The following NRG1 variants were observed in gnomAD, a reference collection of about 807,000 sequenced individuals.
The protein encoded by NRG1 is pro-neuregulin-1, membrane-bound isoform.
In NRG1, 18 loss-of-function variants were observed where a neutral mutation model predicts 63.8. That is an observed-to-expected ratio of 0.28 (90% CI 0.19 to 0.42). The LOEUF (loss-of-function observed/expected upper bound fraction) is 0.42, where lower values mean the gene tolerates loss of function less well. NRG1 is among the 10% of genes least tolerant of loss of function. The pLI is 1.00. For missense variants in NRG1, 762 were observed against 814.7 expected, an observed-to-expected ratio of 0.94 and a Z score of 0.79; for synonymous variants, 302 against 301.3, an observed-to-expected ratio of 1.00 and a Z score of -0.02.
chr8:31,926,661 A>G (rs2129619540), intron 1 of NRG1, among the ~76,000 whole-genome samples: 1 of 152,290 alleles, frequency 6.6e-6, no homozygotes, highest in South Asian at 2.1e-4. Context: ...TTTCAGCTCC[A>G]ATATTCTGCA....
intron 1 of NRG1, among the ~76,000 whole-genome samples, chr8:32,263,290 G>A (rs769820425): frequency 5.3e-5 from 8 of 152,128 alleles, no homozygotes; most frequent in Non-Finnish European, 8.8e-5. Context: ...AAGGTTACAC[G>A]GACAGTACCT....
At chr8:32,379,558 G>A (rs537106058) in intron 1 of NRG1, among the ~76,000 whole-genome samples, 1 of 152,336 alleles carries the variant, frequency 6.6e-6, no homozygotes, top group South Asian at 2.1e-4. Context: ...GCATATGATT[G>A]ATATAACAAA....
At chr8:31,749,943 C>T (rs896680392) in intron 1 of NRG1, among the ~76,000 whole-genome samples, 1 of 151,758 alleles carries the variant, frequency 6.6e-6, no homozygotes, top group African/African-American at 2.4e-5. Flanking sequence ...ATGAAGACTA[C>T]ATAGATGAGT....
At chr8:32,022,092 T>C (rs1816543497) in intron 1 of NRG1, among the ~76,000 whole-genome samples, 1 of 152,180 alleles carries the variant, frequency 6.6e-6, no homozygotes, top group African/African-American at 2.4e-5. Context: ...TCTTAAACTA[T>C]ACCTTTATAA....
intron 1 of NRG1, among the ~76,000 whole-genome samples, chr8:31,973,990 C>G (rs1255240331): frequency 1.3e-5 from 2 of 152,144 alleles, no homozygotes; most frequent in Admixed American, 6.5e-5. Context: ...TATTCCCTGG[C>G]CATCTAAGCA....
intron 1 of NRG1, among the ~76,000 whole-genome samples, chr8:31,828,661 A>C (rs1049361477): frequency 6.6e-6 from 1 of 152,132 alleles, no homozygotes; most frequent in African/African-American, 2.4e-5. Flanking sequence ...CCTGTTGCCA[A>C]ATTTTGACCT....
chr8:32,721,988 A>C, intron 5 of NRG1: 1 of 1,546,476 alleles, frequency 6.5e-7, no homozygotes, highest in Non-Finnish European at 8.7e-7. Flanking sequence ...ACTGGACTTC[A>C]AAGAGCAGGA....
At chr8:32,471,781 C>G (rs1823885693) in intron 1 of NRG1, among the ~76,000 whole-genome samples, 1 of 151,986 alleles carries the variant, frequency 6.6e-6, no homozygotes, top group Non-Finnish European at 1.5e-5. Flanking sequence ...CTCTACTGAC[C>G]CCAAACAAGG....
chr8:32,663,611 A>G (rs1465411822), intron 5 of NRG1, among the ~76,000 whole-genome samples: 1 of 152,166 alleles, frequency 6.6e-6, no homozygotes, highest in Non-Finnish European at 1.5e-5. Context: ...GGTGCCAACT[A>G]TTTTTTGTTC....
At chr8:32,585,744 A>G (rs868074716) in intron 1 of NRG1, among the ~76,000 whole-genome samples, 2 of 152,218 alleles carry the variant, frequency 1.3e-5, no homozygotes, top group African/African-American at 4.8e-5. Flanking sequence ...GCAATTTTGC[A>G]TATCTACTGT....
intron 1 of NRG1, among the ~76,000 whole-genome samples, chr8:32,063,974 G>A (rs1824318259): frequency 6.6e-5 from 10 of 152,042 alleles, no homozygotes; most frequent in Admixed American, 6.6e-4. Context: ...ATGTGGACCT[G>A]GGTCACTTGT....
chr8:32,618,956 T>A (rs553046749), intron 5 of NRG1, among the ~76,000 whole-genome samples: 1 of 152,330 alleles, frequency 6.6e-6, no homozygotes, highest in Non-Finnish European at 1.5e-5. Context: ...CTCATGCCTA[T>A]AATCCTAGCA....
intron 1 of NRG1, among the ~76,000 whole-genome samples, chr8:32,471,357 C>T (rs1279476624): frequency 6.6e-6 from 1 of 152,156 alleles, no homozygotes; most frequent in Non-Finnish European, 1.5e-5. Context: ...TTCTTGGACC[C>T]AAGTGAGTCT....
chr8:32,173,005 C>T (rs1282880454), intron 1 of NRG1, among the ~76,000 whole-genome samples: 3 of 152,074 alleles, frequency 2.0e-5, no homozygotes, highest in Non-Finnish European at 4.4e-5. Context: ...AAAGATACTC[C>T]TCGAGAAGAG....
rs544957546 is a variant in NRG1, at chr8:31,825,305, A to T, written c.37+185874A>T. 5.3e-5 allele frequency among the ~76,000 whole-genome samples: 8 copies of T among 151,982 alleles called. No homozygotes were observed. In the East Asian group the frequency reaches 1.6e-3, roughly 30 times the overall value. ...CGGGAGGCTGAGGCAGGAGAATGGC[A>T]TGAACCCGGGAGGCGCAGCTTGCAG... On this transcript the variant is annotated intron_variant, in intron 1 of 10. Transcript: ENST00000519301.
chr8:32,638,089 A>G (rs969952722), intron 5 of NRG1, among the ~76,000 whole-genome samples: 3 of 152,212 alleles, frequency 2.0e-5, no homozygotes, highest in Non-Finnish European at 4.4e-5. Context: ...GAAATTAATT[A>G]AAAAGAAGGA....
At chr8:32,122,576 A>G (rs568032573) in intron 1 of NRG1, among the ~76,000 whole-genome samples, 2 of 151,952 alleles carry the variant, frequency 1.3e-5, no homozygotes, top group Non-Finnish European at 2.9e-5. Flanking sequence ...ATTGCTGTAC[A>G]TATTGACAGA....
At chr8:31,837,869 A>T (rs960721635) in intron 1 of NRG1, among the ~76,000 whole-genome samples, 4 of 151,954 alleles carry the variant, frequency 2.6e-5, no homozygotes, top group African/African-American at 9.7e-5. Context: ...TGTTTTCTTT[A>T]TCCATTCATC....
intron 5 of NRG1, among the ~76,000 whole-genome samples, chr8:32,662,032 A>G (rs192828256): frequency 6.6e-6 from 1 of 152,326 alleles, no homozygotes; most frequent in African/African-American, 2.4e-5. Context: ...TAAAGAAAAA[A>G]CAAATATTTA....
Sources: allele counts gnomAD v4.1 joint callset (sites outside exome capture counted in the v4.1 genomes callset), GRCh38; gene constraint gnomAD v4.1.1; transcripts MANE v1.5; gene names NCBI Gene and HGNC (gene_info 2026-07-23, HGNC 2026-07-21).